Variants in CNKSR2 observed in about 807,000 individuals in gnomAD.
The protein encoded by CNKSR2 is connector enhancer of kinase suppressor of Ras 2.
In CNKSR2, 14 loss-of-function variants were observed where a neutral mutation model predicts 84.4. The ratio of observed to expected loss-of-function variants is 0.17; its 90% CI spans 0.11 to 0.26. The LOEUF is 0.26. CNKSR2 is among the 10% of genes least tolerant of loss of function. The probability of loss-of-function intolerance (pLI) is 1.00; values close to 1 mark genes in which losing one functional copy is unlikely to be tolerated. For missense variants in CNKSR2, 485 were observed against 771.2 expected (o/e 0.63, Z 4.40); for synonymous variants, 275 against 277.9 (o/e 0.99, Z 0.10).
At chrX:21,575,095 A>G (rs2092310305) in intron 13 of CNKSR2, among the ~76,000 whole-genome samples, 1 of 111,416 alleles carries the variant, frequency 9.0e-6, no homozygotes. Context: ...AGATAGACCC[A>G]AGGGATCTGT....
chrX:21,389,769 A>G (rs2090022531), intron 1 of CNKSR2, among the ~76,000 whole-genome samples: 1 of 112,180 alleles, frequency 8.9e-6, no homozygotes, highest in Non-Finnish European at 1.9e-5. Flanking sequence ...TGGCCTTACC[A>G]CTTTTCTTTT....
At chrX:21,405,392 C>G (rs2090250697) in intron 1 of CNKSR2, among the ~76,000 whole-genome samples, 1 of 111,295 alleles carries the variant, frequency 9.0e-6, no homozygotes, top group Non-Finnish European at 1.9e-5. Context: ...AGGTTTATTC[C>G]TAGTTTATTG....
intron 1 of CNKSR2, chrX:21,425,565 C>G (rs1429048961): frequency 1.8e-5 from 2 of 111,612 alleles, no homozygotes; most frequent in Non-Finnish European, 3.8e-5. Flanking sequence ...AATTTCTGCT[C>G]CTCCATAACT....
intron 13 of CNKSR2, among the ~76,000 whole-genome samples, chrX:21,573,235 A>T (rs1456597039): frequency 8.9e-6 from 1 of 112,323 alleles, no homozygotes; most frequent in East Asian, 2.8e-4. Flanking sequence ...GTGGCTTTGC[A>T]GGGTACAGCC....
At chrX:21,651,775 C>G (rs1255735119) in intron 21 of CNKSR2, among the ~76,000 whole-genome samples, 4 of 111,799 alleles carry the variant, frequency 3.6e-5, no homozygotes, top group African/African-American at 1.3e-4. Flanking sequence ...TACAGGCCCC[C>G]AGTGCTACAG....
chrX:21,569,919 G>A (rs969702066), intron 13 of CNKSR2, among the ~76,000 whole-genome samples: 1 of 112,163 alleles, frequency 8.9e-6, no homozygotes, highest in Admixed American at 9.5e-5. Context: ...AGGTCCCAAT[G>A]ATGGGCTTAA....
intron 4 of CNKSR2, chrX:21,441,380 T>A (rs770911623): frequency 1.8e-5 from 2 of 111,240 alleles, no homozygotes; most frequent in African/African-American, 6.5e-5. Flanking sequence ...AGAATAAGGA[T>A]TAATAGGTAA....
intron 18 of CNKSR2, among the ~76,000 whole-genome samples, chrX:21,601,875 A>G (rs2092484277): frequency 8.9e-6 from 1 of 112,249 alleles, no homozygotes; most frequent in South Asian, 3.7e-4. Flanking sequence ...AATCTTAAGA[A>G]CAAAAGCTGT....
chrX:21,402,264 G>C (rs760455137), intron 1 of CNKSR2, among the ~76,000 whole-genome samples: 11 of 111,006 alleles, frequency 9.9e-5, no homozygotes, highest in African/African-American at 3.6e-4. Context: ...CAAGTAAAAG[G>C]AATCTTTATA....
intron 20 of CNKSR2, among the ~76,000 whole-genome samples, chrX:21,647,776 C>T (rs2092710074): frequency 9.0e-6 from 1 of 111,471 alleles, no homozygotes; most frequent in Admixed American, 9.5e-5. Flanking sequence ...TGTCAGAAAG[C>T]CTAAAATATT....
chrX:21,393,737 T>A (rs1358693006), intron 1 of CNKSR2, among the ~76,000 whole-genome samples: 2 of 112,400 alleles, frequency 1.8e-5, no homozygotes, highest in Non-Finnish European at 3.8e-5. Context: ...AGTTCTTCAG[T>A]GAAGTTAATT....
chrX:21,388,352 G>T (rs900938609), intron 1 of CNKSR2, among the ~76,000 whole-genome samples: 1 of 112,327 alleles, frequency 8.9e-6, no homozygotes, highest in Non-Finnish European at 1.9e-5. Context: ...TAATGGACCA[G>T]ACTCATTTGA....
At chrX:21,378,534 G>A (rs953662665) in intron 1 of CNKSR2, among the ~76,000 whole-genome samples, 2 of 111,244 alleles carry the variant, frequency 1.8e-5, no homozygotes, top group Admixed American at 9.6e-5. Flanking sequence ...TGAGTCCCCA[G>A]ACCATCTCTA....
chrX:21,541,626 A>G lies in CNKSR2; in HGVS notation c.1303+9559A>G, dbSNP rs891017212. Among the ~76,000 whole-genome samples the G allele has an allele frequency of 1.1e-4, 12 of 111,803 alleles. No homozygotes were observed. The Admixed American group carries it at 1.1e-3, about 11-fold the overall frequency. ...GTTTCACTTTAAGTCCCAGTTTCCA[A>G]GAACCTAGAGACAACATTAAGTGAG... On this transcript the variant is annotated intron_variant, in intron 11 of 21. Coordinates refer to ENST00000379510, the MANE Select transcript of CNKSR2 (RefSeq NM_014927.5).
At chrX:21,377,914 T>C (rs1026256802) in intron 1 of CNKSR2, among the ~76,000 whole-genome samples, 1 of 111,800 alleles carries the variant, frequency 8.9e-6, no homozygotes, top group African/African-American at 3.2e-5. Flanking sequence ...TATAAATGGA[T>C]TCATTTTGAT....
chrX:21,413,867 G>C (rs760528768), intron 1 of CNKSR2, among the ~76,000 whole-genome samples: 4 of 110,937 alleles, frequency 3.6e-5, no homozygotes, highest in African/African-American at 1.3e-4. Flanking sequence ...GACACAAGTT[G>C]CTTCAAGATC....
At chrX:21,425,562 G>A (rs2090554704) in intron 1 of CNKSR2, 1 of 111,006 alleles carries the variant, frequency 9.0e-6, no homozygotes, top group Non-Finnish European at 1.9e-5. Context: ...TATAATTTCT[G>A]CTCCTCCATA....
At chrX:21,490,435 C>T in intron 5 of CNKSR2, 24 bp from the exon 6 acceptor site, 1 of 1,186,090 alleles carries the variant, frequency 8.4e-7, no homozygotes, top group Non-Finnish European at 1.1e-6. Flanking sequence ...TTTACCACAA[C>T]TATTTTTGTT....
intron 1 of CNKSR2, among the ~76,000 whole-genome samples, chrX:21,389,986 A>G: frequency 8.9e-6 from 1 of 112,185 alleles, no homozygotes; most frequent in Admixed American, 9.4e-5. Context: ...CATGGATAGG[A>G]TGGAGACCAC....
Sources: allele counts gnomAD v4.1 joint callset (sites outside exome capture counted in the v4.1 genomes callset), GRCh38; gene constraint gnomAD v4.1.1; transcripts MANE v1.5; gene names NCBI Gene and HGNC (gene_info 2026-07-23, HGNC 2026-07-21).